Variants in FAT1 observed in about 807,000 individuals in gnomAD.
FAT1 encodes the protein protocadherin Fat 1.
FAT1 carries 171 observed loss-of-function variants against 329.8 expected under a neutral mutation model. The ratio of observed to expected loss-of-function variants is 0.52; its 90% CI spans 0.46 to 0.59. FAT1 has a LOEUF of 0.59. FAT1 is among the 20% of genes least tolerant of loss of function. The pLI, the probability that FAT1 is intolerant of heterozygous loss-of-function variation, is 0.00. For synonymous variants in FAT1, 2,233 were observed against 2,228.6 expected, an observed-to-expected ratio of 1.00 and a Z score of -0.06; for missense variants, 5,672 against 5,774.4, an observed-to-expected ratio of 0.98 and a Z score of 0.57.
intron 3 of FAT1, among the ~76,000 whole-genome samples, chr4:186,655,428 C>T (rs1403354204): frequency 2.3e-5 from 3 of 130,524 alleles, no homozygotes; most frequent in Admixed American, 7.9e-5. Context: ...CATCAGTAAC[C>T]ACAATAAGGT....
At chr4:186,716,546 G>A (rs549689795) in intron 1 of FAT1, among the ~76,000 whole-genome samples, 170 of 151,924 alleles carry the variant, frequency 1.1e-3, no homozygotes, top group African/African-American at 2.9e-3. Context: ...TCCCGCCTCC[G>A]CCTCCGGGGT....
chr4:186,653,442 C>T (rs1279743524), intron 3 of FAT1, among the ~76,000 whole-genome samples: 1 of 152,168 alleles, frequency 6.6e-6, no homozygotes, highest in South Asian at 2.1e-4. Context: ...CCTTTCTAAG[C>T]ACTCTTGCTT....
At position 186,588,244 on chromosome 4, in the gene FAT1, T is replaced by C. The variant is rs549999901; in HGVS notation, c.*348A>G. On this transcript the variant is annotated 3_prime_UTR_variant, in exon 27 of 27. Transcript: ENST00000441802. ...TTAAAACTATGAAAAATCAAATCTG[T>C]ACATAAAATTTACAAAAAAAAGAGA... 47 of 261,490 alleles carry C rather than the reference T, an allele frequency of 1.8e-4. No individual in the cohort carries two copies. Among genetic ancestry groups the C allele is most frequent in the African/African-American group, 1.0e-3 (47 of 46,070 alleles). The allele number at this position is 261,490 out of a possible 1,614,324, so 16.2% of individuals were successfully genotyped here.
At chr4:186,720,796 G>A (rs772834798) in intron 1 of FAT1, among the ~76,000 whole-genome samples, 4 of 152,262 alleles carry the variant, frequency 2.6e-5, no homozygotes, top group East Asian at 1.9e-4. Flanking sequence ...TAAATGGACA[G>A]ATGAATAAAG....
rs1402979949 is a variant in FAT1, at chr4:186,706,563, C to CT, written c.3264dup (p.Gly1089ArgfsTer12). 1 of 1,588,988 alleles carries CT rather than the reference C, an allele frequency of 6.3e-7. No individual in the cohort carries two copies. The highest frequency in any genetic ancestry group is 1.4e-5 in the African/African-American group (1 of 73,850). ...ATGAGAGCAATAAAAACATATTTAC[C>CT]TGTCTCTTCACCTATTTTGAAAACA... On this transcript the variant is annotated frameshift_variant and splice_region_variant, in exon 2 of 27. Transcript: ENST00000441802. LOFTEE classifies it high-confidence loss of function.
chr4:186,634,796 C>A (rs180895573), intron 6 of FAT1, among the ~76,000 whole-genome samples: 1 of 152,322 alleles, frequency 6.6e-6, no homozygotes, highest in East Asian at 1.9e-4. Context: ...CTCTAGCAAG[C>A]GTGTCTCCTG....
intron 2 of FAT1, among the ~76,000 whole-genome samples, chr4:186,689,773 G>T (rs975511595): frequency 2.6e-5 from 4 of 152,130 alleles, no homozygotes; most frequent in Non-Finnish European, 5.9e-5. Flanking sequence ...TTTCCCACAA[G>T]GGCATGCACA....
At chr4:186,706,243 A>G (rs1052122902) in intron 2 of FAT1, among the ~76,000 whole-genome samples, 1 of 152,230 alleles carries the variant, frequency 6.6e-6, no homozygotes, top group Non-Finnish European at 1.5e-5. Context: ...GAACAAAACC[A>G]TAATGATGCT....
At chr4:186,633,951 G>A in intron 6 of FAT1, 128 bp from the exon 7 acceptor site, 1 of 976,098 alleles carries the variant, frequency 1.0e-6, no homozygotes, top group Non-Finnish European at 1.5e-6. Context: ...CCAAGGAGGA[G>A]CATTTTGAAA....
intron 2 of FAT1, among the ~76,000 whole-genome samples, chr4:186,681,268 C>T (rs1289266704): frequency 6.6e-6 from 1 of 151,960 alleles, no homozygotes; most frequent in Non-Finnish European, 1.5e-5. Context: ...TTTATTATTC[C>T]TCTTATTTAA....
chr4:186,619,643 T>C lies in FAT1; in HGVS notation c.6943A>G (p.Asn2315Asp), dbSNP rs1253122036. 4 of 1,613,900 alleles carry C rather than the reference T, an allele frequency of 2.5e-6. No individual in the cohort carries two copies. The highest frequency in any genetic ancestry group is 3.4e-6 in the Non-Finnish European group (4 of 1,179,906). Residue 2315 changes from asparagine to aspartate, a missense_variant, in exon 10 of 27, where the codon AAT (asparagine) becomes GAT (aspartate). Asn to Asp is a conservative substitution (Grantham distance 23, BLOSUM62 1). This residue lies in a region of FAT1 where 3,966 missense variants were observed against 3,915.2 expected (regional missense o/e 1.01). Coordinates refer to ENST00000441802, the MANE Select transcript of FAT1 (RefSeq NM_005245.4). ...AACATCTGGTATGAGATTCCTCTAT[T>C]TGGTTCTGAATCAGAATCGGTGGCT... ...VRATDSDSEP[N>D]RGISYQMFGN...
intron 4 of FAT1, among the ~76,000 whole-genome samples, chr4:186,637,852 G>A (rs558875307): frequency 3.9e-5 from 6 of 152,266 alleles, no homozygotes; most frequent in East Asian, 1.9e-4. Context: ...ACTATATCCC[G>A]ATGGTGCCTG....
intron 2 of FAT1, among the ~76,000 whole-genome samples, chr4:186,667,525 G>A (rs1051964577): frequency 2.0e-5 from 3 of 152,094 alleles, no homozygotes; most frequent in Non-Finnish European, 4.4e-5. Context: ...CTTCTGCTTC[G>A]ATGCATTTTA....
chr4:186,607,399 A>C (rs1739198089), intron 16 of FAT1, among the ~76,000 whole-genome samples: 1 of 141,406 alleles, frequency 7.1e-6, no homozygotes, highest in Non-Finnish European at 1.5e-5. Flanking sequence ...AGATAGGTGG[A>C]TGGATAAATG....
chr4:186,602,905 G>A lies in FAT1; in HGVS notation c.11480C>T (p.Pro3827Leu). ...ATACCCAACCATTCAACTCTCACCTGGGCACTGACCAAACCTGCCGCTGGG... is the reference window on the plus strand; with the variant it reads ...ATACCCAACCATTCAACTCTCACCTAGGCACTGACCAAACCTGCCGCTGGG... ...VCPSGRFGQCPGSSSMTLTGN... is the reference protein window; with the variant it reads ...VCPSGRFGQCLGSSSMTLTGN... Residue 3827 changes from proline (P) to leucine (L), a missense_variant and splice_region_variant, in exon 20 of 27, where the codon CCA becomes CTA. Coordinates refer to ENST00000441802, the MANE Select transcript of FAT1 (RefSeq NM_005245.4). 1 of 1,613,668 alleles carries A rather than the reference G, an allele frequency of 6.2e-7. No homozygotes were observed. Among genetic ancestry groups the A allele is most frequent in the Non-Finnish European group, 8.5e-7 (1 of 1,179,720 alleles).
intron 11 of FAT1, among the ~76,000 whole-genome samples, chr4:186,614,691 C>G (rs144131360): frequency 1.2e-4 from 19 of 152,284 alleles, no homozygotes; most frequent in African/African-American, 4.3e-4. Context: ...CCGTATTTAC[C>G]TAAAAACTGC....
intron 2 of FAT1, among the ~76,000 whole-genome samples, chr4:186,664,326 T>C (rs959905420): frequency 6.6e-6 from 1 of 152,128 alleles, no homozygotes; most frequent in Non-Finnish European, 1.5e-5. Flanking sequence ...CAGCATGCTA[T>C]AAAAATATAA....
chr4:186,689,845 G>C (rs1410531998), intron 2 of FAT1, among the ~76,000 whole-genome samples: 1 of 152,152 alleles, frequency 6.6e-6, no homozygotes, highest in African/African-American at 2.4e-5. Context: ...TGCTTTGTTG[G>C]TGGTGATCTC....
intron 7 of FAT1, among the ~76,000 whole-genome samples, chr4:186,633,072 A>G (rs1485066374): frequency 2.6e-5 from 4 of 152,180 alleles, no homozygotes; most frequent in African/African-American, 7.2e-5. Context: ...TGCTTCTTCT[A>G]TCTAGGAATA....
Sources: gnomAD v4.1 joint callset for allele counts (sites outside exome capture counted in the v4.1 genomes callset) on GRCh38, gnomAD v4.1.1 for gene constraint, gnomAD v4.1.1 regional missense constraint, MANE v1.5 for transcripts, NCBI Gene and HGNC (gene_info 2026-07-23, HGNC 2026-07-21) for gene names.